PRKCG: variants seen among roughly 807,000 people sequenced by gnomAD.
The protein encoded by PRKCG is protein kinase C gamma.
A neutral mutation model predicts 82.0 loss-of-function variants in PRKCG; 28 were observed. That is an observed-to-expected ratio of 0.34 (90% CI 0.25 to 0.47). PRKCG has a LOEUF of 0.47. PRKCG is among the 20% of genes least tolerant of loss of function. The pLI, the probability that PRKCG is intolerant of heterozygous loss-of-function variation, is 1.00. For synonymous variants in PRKCG, 383 were observed against 376.6 expected, an observed-to-expected ratio of 1.02 and a Z score of -0.20; for missense variants, 640 against 952.7, an observed-to-expected ratio of 0.67 and a Z score of 4.32.
chr19:53,894,541 C>T (rs1051939724), intron 9 of PRKCG, among the ~76,000 whole-genome samples: 2 of 151,620 alleles, frequency 1.3e-5, no homozygotes, highest in African/African-American at 4.9e-5. Flanking sequence ...CTCACTGCAA[C>T]CTCTGCCTCC....
chr19:53,892,356 G>T lies in PRKCG; in HGVS notation c.687-153G>T, dbSNP rs577950637. Among the ~76,000 whole-genome samples the T allele has an allele frequency of 6.6e-6, 1 of 152,318 alleles. No individual in the cohort carries two copies. Among genetic ancestry groups the T allele is most frequent in the East Asian group, 1.9e-4 (1 of 5,172 alleles). ...GGCCCCAAAGCCCTAGCTGGAGAGA[G>T]AGCCCGGCTGGGAAGGTCAGAGGTC... is the stretch of plus-strand genomic sequence containing the variant. On this transcript the variant is annotated intron_variant, in intron 6 of 17. Transcript: ENST00000263431. This position sits in a 1 kb window ranked among gnomAD's most constrained non-coding sequence, Gnocchi z 5.9.
Position 53,889,772 on chromosome 19 carries a change from G to C in PRKCG, c.397+23G>C, listed in dbSNP as rs374663665. On this transcript the variant is annotated intron_variant, in intron 4 of 17. Coordinates refer to ENST00000263431, the MANE Select transcript of PRKCG (RefSeq NM_002739.5). This position sits in a 1 kb window ranked among gnomAD's most constrained non-coding sequence, Gnocchi z 4.4. Reference sequence around the variant, plus strand: ...CCTGTGAGTGACCTGGGCCTTGCCAGGGCCCTTCCAAAGCGCCCGGTCTGG... The same window carrying C: ...CCTGTGAGTGACCTGGGCCTTGCCACGGCCCTTCCAAAGCGCCCGGTCTGG... The C allele has an allele frequency of 1.3e-5, 21 of 1,610,572 alleles. No homozygotes were observed. Among genetic ancestry groups the C allele is most frequent in the Non-Finnish European group, 1.6e-5 (19 of 1,178,532 alleles).
chr19:53,890,278 C>T (rs1384013611), intron 5 of PRKCG, among the ~76,000 whole-genome samples: 1 of 151,376 alleles, frequency 6.6e-6, no homozygotes, highest in African/African-American at 2.4e-5. Flanking sequence ...TTTTTTGGGA[C>T]GGAGTTTCGC....
chr19:53,899,778 G>C (rs761573133), intron 11 of PRKCG, among the ~76,000 whole-genome samples: 2 of 152,076 alleles, frequency 1.3e-5, no homozygotes, highest in African/African-American at 2.4e-5. Context: ...GTAGAGACCG[G>C]GTTTCGCCAC....
In PRKCG at chr19:53,883,250, C is replaced by T. The variant is rs2068606469; in HGVS notation, c.202+56C>T. ...CCTCAGGAGGGTGGAGGCTGGGGCC[C>T]CACAGCTGAGGCTGCTTGACACACG... On this transcript the variant is annotated intron_variant, in intron 2 of 17. Coordinates refer to ENST00000263431, the MANE Select transcript of PRKCG (RefSeq NM_002739.5). This position sits in a 1 kb window ranked among gnomAD's most constrained non-coding sequence, Gnocchi z 5.4. 4.5e-5 allele frequency: 72 copies of T among 1,605,142 alleles called. No homozygotes were observed. The South Asian group carries it at 6.8e-4, about 15-fold the overall frequency.
At chr19:53,906,081 C>CTTCTTCTTCTTCTTCTTCTTCTTCTT (rs1568763987) in intron 16 of PRKCG, among the ~76,000 whole-genome samples, 2 of 35,496 alleles carry the variant, frequency 5.6e-5, no homozygotes, top group African/African-American at 7.8e-4. Flanking sequence ...TCCTCCTCCT[C>CTTCTTCTTCTTCTTCTTCTTCTTCTT]CTCCTTCTTC....
chr19:53,893,388 T>C lies in PRKCG; in HGVS notation c.936T>C (p.Tyr312=). ...CTTGTAACTACCCCCTGGAATTGTA[T>C]GAGGTGAGTAGAACCAGGGCGTTGA... ...FEACNYPLEL[Y]ERVRMGPSSS... Residue 312 remains tyrosine (Y), a synonymous_variant, in exon 9 of 18, where the codon TAT becomes TAC. Transcript: ENST00000263431. The C allele has an allele frequency of 1.2e-6, 2 of 1,613,612 alleles. No homozygotes were observed. Among genetic ancestry groups the C allele is most frequent in the Non-Finnish European group, 1.7e-6 (2 of 1,179,502 alleles).
In PRKCG at chr19:53,897,938, C is replaced by A. The variant is rs1269114190; in HGVS notation, c.940-21C>A. On this transcript the variant is annotated intron_variant, in intron 9 of 17. Coordinates refer to ENST00000263431, the MANE Select transcript of PRKCG (RefSeq NM_002739.5). The stretch of plus-strand genomic sequence containing the variant: ...GTGTAAGGTCTAACTGCCTCTGGCT[C>A]TTTCTTTCTCCTTTCCACAGCGGGT... The A allele has an allele frequency of 1.9e-6, 3 of 1,613,412 alleles. No homozygotes were observed. The Admixed American group carries it at 5.0e-5, about 27-fold the overall frequency.
At chr19:53,897,128 T>C (rs1237270913) in intron 9 of PRKCG, among the ~76,000 whole-genome samples, 1 of 152,060 alleles carries the variant, frequency 6.6e-6, no homozygotes, top group African/African-American at 2.4e-5. Flanking sequence ...CAACCTGCAG[T>C]GTCAGTCTCA....
Position 53,884,339 on chromosome 19 carries a change from G to A in PRKCG, c.285+96G>A. On this transcript the variant is annotated intron_variant, in intron 3 of 17. Coordinates refer to ENST00000263431, the MANE Select transcript of PRKCG (RefSeq NM_002739.5). This position sits in a 1 kb window ranked among gnomAD's most constrained non-coding sequence, Gnocchi z 4.6. ...AATTTCTCCTGCTATTTTTATGGCTGGGAGGGGAGGGGGGCTGGAGAGATA... is the reference window on the plus strand; with the variant it reads ...AATTTCTCCTGCTATTTTTATGGCTAGGAGGGGAGGGGGGCTGGAGAGATA... 8.5e-7 allele frequency: 1 copy of A among 1,172,210 alleles called. No homozygotes were observed. The highest frequency in any genetic ancestry group is 1.3e-6 in the Non-Finnish European group (1 of 787,308). 72.6% of individuals were successfully genotyped at this position (1,172,210 alleles called of 1,614,324 possible). A position where few individuals can be genotyped will look rare whatever the true frequency, so the allele number is the denominator to read the frequency against.
At chr19:53,887,758 A>G (rs188532613) in intron 3 of PRKCG, among the ~76,000 whole-genome samples, 98 of 145,306 alleles carry the variant, frequency 6.7e-4, no homozygotes, top group African/African-American at 2.5e-3. Context: ...TGAACCCCGG[A>G]GGCAGAGGTT....
chr19:53,890,046 GC>G (rs1358614450), intron 5 of PRKCG, 29 bp downstream of exon 5: 8 of 1,536,600 alleles, frequency 5.2e-6, no homozygotes, highest in Non-Finnish European at 7.0e-6. Flanking sequence ...GCCTGGCCCC[GC>G]CCCCTCCCCA....
chr19:53,887,756 G>A (rs1256519010), intron 3 of PRKCG, among the ~76,000 whole-genome samples: 1 of 149,692 alleles, frequency 6.7e-6, no homozygotes, highest in Non-Finnish European at 1.5e-5. Context: ...CTTGAACCCC[G>A]GAGGCAGAGG....
In PRKCG at chr19:53,898,646, G is replaced by T. The variant is rs199908877; in HGVS notation, c.1281+18G>T. Reference sequence around the variant, plus strand: ...AGACCCCGGTAAGGATGGAGGGGGCGGAGGCTGTCCTCCGGGCCCTGCCTT... The same window carrying T: ...AGACCCCGGTAAGGATGGAGGGGGCTGAGGCTGTCCTCCGGGCCCTGCCTT... On this transcript the variant is annotated intron_variant, in intron 11 of 17. Transcript: ENST00000263431. 3.0e-5 allele frequency: 46 copies of T among 1,558,822 alleles called. No homozygotes were observed. The East Asian group carries it at 9.0e-4, about 30-fold the overall frequency.
chr19:53,904,304 T>C lies in PRKCG; in HGVS notation c.1657-331T>C, dbSNP rs573770433. Among the ~76,000 whole-genome samples the C allele has an allele frequency of 2.0e-5, 3 of 151,440 alleles. No homozygotes were observed. The South Asian group carries it at 6.3e-4, about 32-fold the overall frequency. ...TACTCATCCAACCAGGAGAATGCTT[T>C]TAGGGTGTTTCCTGCAGTTTTTCCT... is the stretch of plus-strand genomic sequence containing the variant. On this transcript the variant is annotated intron_variant, in intron 15 of 17. Coordinates refer to ENST00000263431, the MANE Select transcript of PRKCG (RefSeq NM_002739.5).
Position 53,883,044 on chromosome 19 carries a change from G to T in PRKCG, c.171-119G>T. ...GTTCTAGAAAGAGGAGGTGGCCGGG[G>T]CTTGGACACCTGGGCCCTGCGGGAG... On this transcript the variant is annotated intron_variant, in intron 1 of 17. Coordinates refer to ENST00000263431, the MANE Select transcript of PRKCG (RefSeq NM_002739.5). The surrounding 1 kb of genome is among the most constrained non-coding windows in gnomAD (Gnocchi z 5.4). 2 of 1,331,130 alleles carry T rather than the reference G, an allele frequency of 1.5e-6. No homozygotes were observed. The highest frequency in any genetic ancestry group is 2.3e-5 in the South Asian group (2 of 85,214). The allele number at this position is 1,331,130 out of a possible 1,614,324, so 82.5% of individuals were successfully genotyped here.
In PRKCG at chr19:53,892,698, G is replaced by A. The variant is rs2068686243; in HGVS notation, c.821+55G>A. 6.3e-7 allele frequency: 1 copy of A among 1,582,724 alleles called. No homozygotes were observed. The highest frequency in any genetic ancestry group is 8.6e-7 in the Non-Finnish European group (1 of 1,168,522). ...GAGCGCAATATTACCATCTCCATCT[G>A]TGTGTGGTCTCTCTCCTCCAGGCCA... On this transcript the variant is annotated intron_variant, in intron 7 of 17. Coordinates refer to ENST00000263431, the MANE Select transcript of PRKCG (RefSeq NM_002739.5). This position sits in a 1 kb window ranked among gnomAD's most constrained non-coding sequence, Gnocchi z 5.9.
chr19:53,884,499 G>T lies in PRKCG; in HGVS notation c.285+256G>T, dbSNP rs1018786342. ...GGAGACTGAAGATGGGTGCTGCCGG[G>T]GGTGGGCTGTGATCCAGGGGTGAAG... On this transcript the variant is annotated intron_variant, in intron 3 of 17. Transcript: ENST00000263431. The surrounding 1 kb of genome is among the most constrained non-coding windows in gnomAD (Gnocchi z 4.6). Among the ~76,000 whole-genome samples, 2 of 152,258 alleles carry T rather than the reference G, an allele frequency of 1.3e-5. No individual in the cohort carries two copies. Among genetic ancestry groups the T allele is most frequent in the African/African-American group, 4.8e-5 (2 of 41,556 alleles).
rs868833808 is a variant in PRKCG at position 53,906,763 on chromosome 19, G to C, written c.1962G>C (p.Leu654=). ...DKFFTRAAPA[L]TPPDRLVLAS... is the part of the protein sequence containing the mutation. Reference sequence around the variant, plus strand: ...TCTTCACGCGGGCGGCGCCAGCGCTGACCCCTCCAGACCGCCTAGTCCTGG... The same window carrying C: ...TCTTCACGCGGGCGGCGCCAGCGCTCACCCCTCCAGACCGCCTAGTCCTGG... The change falls in exon 18 of 18, where the codon CTG becomes CTC. Residue 654 remains leucine (L), a synonymous_variant. Transcript: ENST00000263431. 27 of 1,613,440 alleles carry C rather than the reference G, an allele frequency of 1.7e-5. 1 individual carries two copies. The Middle Eastern group carries it at 4.4e-3, about 261-fold the overall frequency.
Sources: allele counts gnomAD v4.1 joint callset (sites outside exome capture counted in the v4.1 genomes callset), GRCh38; gene constraint gnomAD v4.1.1; non-coding constraint Gnocchi (gnomAD v3.1); transcripts MANE v1.5; gene names NCBI Gene and HGNC (gene_info 2026-07-23, HGNC 2026-07-21).